The following KCNMA1 variants were observed in gnomAD, a reference collection of about 807,000 sequenced individuals.
The protein encoded by KCNMA1 is Calcium-activated potassium channel subunit alpha-1.
In KCNMA1, 29 loss-of-function variants were observed where a neutral mutation model predicts 140.0. The ratio of observed to expected loss-of-function variants is 0.21; its 90% confidence interval spans 0.15 to 0.28. The LOEUF is 0.28. KCNMA1 is among the 10% of genes least tolerant of loss of function. KCNMA1 has a pLI of 1.00. For synonymous variants in KCNMA1, 612 were observed against 611.9 expected, an observed-to-expected ratio of 1.00 and a Z score of 0.00; for missense variants, 880 against 1,602.2, an observed-to-expected ratio of 0.55 and a Z score of 7.70.
At chr10:77,473,263 C>T (rs1379254924) in intron 1 of KCNMA1, among the ~76,000 whole-genome samples, 1 of 152,222 alleles carries the variant, frequency 6.6e-6, no homozygotes, top group Non-Finnish European at 1.5e-5. Context: ...CAGCTATCCC[C>T]AGGAGGCAGG....
intron 1 of KCNMA1, among the ~76,000 whole-genome samples, chr10:77,577,088 C>T (rs1283863670): frequency 6.6e-6 from 1 of 150,672 alleles, no homozygotes; most frequent in Non-Finnish European, 1.5e-5. Flanking sequence ...GTTGACGAGC[C>T]TACACACTCT....
intron 3 of KCNMA1, among the ~76,000 whole-genome samples, chr10:77,207,621 A>G (rs2044574264): frequency 1.3e-5 from 2 of 152,170 alleles, no homozygotes; most frequent in Admixed American, 1.3e-4. Context: ...CCTATTGAAC[A>G]TCTGGTAGAG....
chr10:77,323,868 G>C (rs1235176344), intron 2 of KCNMA1, among the ~76,000 whole-genome samples: 1 of 152,112 alleles, frequency 6.6e-6, no homozygotes, highest in Non-Finnish European at 1.5e-5. Context: ...GTTTGAACTG[G>C]GCATAAAGAT....
intron 2 of KCNMA1, among the ~76,000 whole-genome samples, chr10:77,353,773 A>G (rs1405604030): frequency 6.6e-6 from 1 of 152,172 alleles, no homozygotes; most frequent in African/African-American, 2.4e-5. Context: ...CCAAATGACA[A>G]AAGGAAACAT....
rs540120206 is a variant in KCNMA1, at chr10:77,169,196, A to G, written c.808+14225T>C. On this transcript the variant is annotated intron_variant, in intron 5 of 27. Coordinates refer to ENST00000286628, the MANE Select transcript of KCNMA1 (RefSeq NM_001161352.2). ...AAGACAAGAAAGCAGCTGCTAGACA[A>G]GAAACTACCAAAACCATGGCGATGG... Among the ~76,000 whole-genome samples the G allele has an allele frequency of 1.2e-4, 18 of 152,306 alleles. No homozygotes were observed. The East Asian group carries it at 3.5e-3, about 29-fold the overall frequency.
chr10:77,381,337 G>C (rs936702020), intron 2 of KCNMA1, among the ~76,000 whole-genome samples: 1 of 152,126 alleles, frequency 6.6e-6, no homozygotes, highest in Non-Finnish European at 1.5e-5. Flanking sequence ...GATACAATTA[G>C]TAGGGAATGG....
intron 1 of KCNMA1, among the ~76,000 whole-genome samples, chr10:77,556,225 G>A (rs1038481810): frequency 6.6e-6 from 1 of 152,110 alleles, no homozygotes; most frequent in African/African-American, 2.4e-5. Context: ...TCAATTCAGG[G>A]TCAGGCGCGG....
chr10:77,365,826 G>A (rs1456846137), intron 2 of KCNMA1, among the ~76,000 whole-genome samples: 1 of 152,092 alleles, frequency 6.6e-6, no homozygotes, highest in Admixed American at 6.6e-5. Context: ...ACTTTGGTGG[G>A]CCCTACTTAG....
chr10:77,492,639 C>T (rs1434187083), intron 1 of KCNMA1, among the ~76,000 whole-genome samples: 7 of 152,236 alleles, frequency 4.6e-5, no homozygotes, highest in African/African-American at 9.6e-5. Flanking sequence ...AAGAGCCTCA[C>T]GGTCTAGGTC....
chr10:76,944,619 GC>G (rs1041908765), intron 23 of KCNMA1, among the ~76,000 whole-genome samples, 153 bp downstream of exon 23: 1 of 152,202 alleles, frequency 6.6e-6, no homozygotes, highest in African/African-American at 2.4e-5. Flanking sequence ...AGAAGAGGCA[GC>G]AGATGCCCCT....
intron 1 of KCNMA1, among the ~76,000 whole-genome samples, chr10:77,620,352 G>A (rs2091002640): frequency 1.3e-5 from 2 of 152,192 alleles, no homozygotes; most frequent in African/African-American, 2.4e-5. Context: ...TTTCCATGCA[G>A]GTGCAAGACG....
chr10:77,265,357 G>T (rs182459071), intron 2 of KCNMA1, among the ~76,000 whole-genome samples: 1 of 152,214 alleles, frequency 6.6e-6, no homozygotes, highest in East Asian at 1.9e-4. Context: ...CTGCCAGAAT[G>T]TGCATTTCTA....
chr10:77,107,338 C>T lies in KCNMA1; in HGVS notation c.1223+1143G>A, dbSNP rs184110869. 5.3e-5 allele frequency among the ~76,000 whole-genome samples: 8 copies of T among 152,248 alleles called. No individual in the cohort carries two copies. In the East Asian group the frequency reaches 1.4e-3, roughly 26 times the overall value. ...GATGAAAGTTTTCTGTGTCCTGATCCGGATGGTAGGATGATAGTGACTGGG... is the reference window on the plus strand; with the variant it reads ...GATGAAAGTTTTCTGTGTCCTGATCTGGATGGTAGGATGATAGTGACTGGG... On this transcript the variant is annotated intron_variant, in intron 9 of 27. Transcript: ENST00000286628.
At chr10:77,415,981 CTTTT>C (rs530426358) in intron 1 of KCNMA1, among the ~76,000 whole-genome samples, 37 of 152,254 alleles carry the variant, frequency 2.4e-4, no homozygotes, top group African/African-American at 6.7e-4. Flanking sequence ...TTGACAGTTT[CTTTT>C]TTTATGTTTT....
chr10:77,404,321 C>T (rs981383708), intron 1 of KCNMA1, among the ~76,000 whole-genome samples: 2 of 152,050 alleles, frequency 1.3e-5, no homozygotes, highest in African/African-American at 4.8e-5. Context: ...CTCTGTCACC[C>T]AGGCTGGAGT....
intron 22 of KCNMA1, among the ~76,000 whole-genome samples, chr10:76,946,287 C>T (rs1392669227): frequency 2.0e-5 from 3 of 152,166 alleles, no homozygotes; most frequent in Non-Finnish European, 4.4e-5. Flanking sequence ...CCTGTCTGGC[C>T]ACCAGCTTCA....
chr10:77,264,700 ATG>A (rs1204395020), intron 2 of KCNMA1, among the ~76,000 whole-genome samples: 2 of 152,162 alleles, frequency 1.3e-5, no homozygotes, highest in African/African-American at 2.4e-5. Context: ...TCAAATTTAT[ATG>A]TGAGGAGAAC....
chr10:76,891,858 G>C, intron 25 of KCNMA1, 139 bp from the exon 26 acceptor site: 1 of 732,040 alleles, frequency 1.4e-6, no homozygotes. Context: ...TTTCATGTGG[G>C]GAGTGAAAAG....
At chr10:77,328,654 G>A (rs763116988) in intron 2 of KCNMA1, among the ~76,000 whole-genome samples, 1 of 152,098 alleles carries the variant, frequency 6.6e-6, no homozygotes, top group Non-Finnish European at 1.5e-5. Context: ...TTTCCCTTTT[G>A]CAAATAGTTG....
Sources: gnomAD v4.1 joint callset for allele counts (sites outside exome capture counted in the v4.1 genomes callset) on GRCh38, gnomAD v4.1.1 for gene constraint, MANE v1.5 for transcripts, NCBI Gene and HGNC (gene_info 2026-07-23, HGNC 2026-07-21) for gene names.